Variants in PPP1R2 observed in about 807,000 individuals in gnomAD.
PPP1R2 encodes the protein protein phosphatase inhibitor 2.
In PPP1R2, 16 loss-of-function variants were observed where a neutral mutation model predicts 29.9. That is an observed-to-expected ratio of 0.53 (90% CI 0.36 to 0.81). The LOEUF is 0.81. Among genes scored for constraint, PPP1R2 ranks in the 30% least tolerant of loss-of-function variants. PPP1R2 has a pLI of 0.00. For missense variants in PPP1R2, 197 were observed against 252.7 expected (o/e 0.78, Z 1.49); for synonymous variants, 76 against 91.5 (o/e 0.83, Z 0.96).
chr3:195,530,143 A>G (rs1207068359), intron 1 of PPP1R2, among the ~76,000 whole-genome samples: 3 of 152,362 alleles, frequency 2.0e-5, no homozygotes, highest in East Asian at 3.9e-4. Context: ...TTTAGTATCT[A>G]TATCAGGCAT....
intron 5 of PPP1R2, among the ~76,000 whole-genome samples, chr3:195,518,714 T>C (rs985085602): frequency 2.6e-5 from 4 of 151,814 alleles, no homozygotes; most frequent in African/African-American, 9.7e-5. Context: ...AAATACAACA[T>C]GACCTAAAAT....
chr3:195,529,749 A>C, intron 2 of PPP1R2, 45 bp downstream of exon 2: 1 of 1,368,640 alleles, frequency 7.3e-7, no homozygotes, highest in East Asian at 2.4e-5. Context: ...ATGAAATGCA[A>C]AATGGAAGTA....
At chr3:195,537,564 T>G (rs574984996) in intron 1 of PPP1R2, among the ~76,000 whole-genome samples, 2 of 150,118 alleles carry the variant, frequency 1.3e-5, no homozygotes, top group East Asian at 3.9e-4. Flanking sequence ...AACTGTTGTT[T>G]CTTTGCCTAA....
chr3:195,536,527 C>G (rs976814694), intron 1 of PPP1R2, among the ~76,000 whole-genome samples: 1 of 151,814 alleles, frequency 6.6e-6, no homozygotes. Context: ...GTGATGTTAA[C>G]AATATTGAAT....
chr3:195,531,843 A>G (rs1719190204), intron 1 of PPP1R2, among the ~76,000 whole-genome samples: 1 of 152,180 alleles, frequency 6.6e-6, no homozygotes, highest in African/African-American at 2.4e-5. Flanking sequence ...AACTGTACTC[A>G]TTAAGTACTA....
intron 1 of PPP1R2, among the ~76,000 whole-genome samples, chr3:195,537,090 T>C (rs1328622154): frequency 6.6e-6 from 1 of 151,946 alleles, no homozygotes; most frequent in Non-Finnish European, 1.5e-5. Flanking sequence ...CATATAAATA[T>C]GTATAAGCTA....
intron 1 of PPP1R2, among the ~76,000 whole-genome samples, chr3:195,532,741 T>C (rs1719235247): frequency 6.6e-6 from 1 of 152,154 alleles, no homozygotes; most frequent in Non-Finnish European, 1.5e-5. Flanking sequence ...TTTTGGAGGC[T>C]TGTGACAATT....
rs774476092 is a variant in PPP1R2, at chr3:195,524,859, C to T, written c.268G>A (p.Glu90Lys). ...GDDEDACSDTEATEAMAPDIL... is the reference protein window; with the variant it reads ...GDDEDACSDTKATEAMAPDIL... ...TCTGGCGCCATGGCTTCAGTGGCCT[C>T]GGTGTCACTACAGGCATCTTCATCA... The change falls in exon 3 of 6, where the codon GAG becomes AAG. Residue 90 changes from glutamate (E) to lysine (K), a missense_variant. By Grantham distance (56) the Glu-to-Lys change is moderately conservative (BLOSUM62 1). Transcript: ENST00000618156. The T allele has an allele frequency of 1.9e-6, 3 of 1,614,064 alleles. No homozygotes were observed. Among genetic ancestry groups the T allele is most frequent in the South Asian group, 1.1e-5 (1 of 91,072 alleles).
intron 1 of PPP1R2, 101 bp from the exon 2 acceptor site, chr3:195,530,002 G>C: frequency 1.3e-6 from 1 of 789,408 alleles, no homozygotes; most frequent in South Asian, 1.7e-5. Context: ...ACTTCTATTT[G>C]ATGGCCAACC....
At chr3:195,538,570 C>A (rs746594539) in intron 1 of PPP1R2, among the ~76,000 whole-genome samples, 14 of 151,996 alleles carry the variant, frequency 9.2e-5, no homozygotes, top group Non-Finnish European at 1.6e-4. Context: ...ATTCCACATC[C>A]CTTTATAGGC....
At chr3:195,538,638 G>A (rs1383301388) in intron 1 of PPP1R2, among the ~76,000 whole-genome samples, 1 of 151,908 alleles carries the variant, frequency 6.6e-6, no homozygotes, top group Non-Finnish European at 1.5e-5. Context: ...GGAAATTAAG[G>A]CATAATTTTT....
intron 1 of PPP1R2, among the ~76,000 whole-genome samples, chr3:195,537,481 T>TTTTGTGTGTGTGTGTGTGTGTGTG (rs150119072): frequency 0.031 from 3,960 of 128,436 alleles, 170 homozygotes; most frequent in African/African-American, 0.045. Context: ...GGATTAGCTA[T>TTTTGTGTGTGTGTGTGTGTGTGTG]TGTGTGTGTG....
intron 2 of PPP1R2, chr3:195,528,577 G>A (rs2108945932): frequency 6.6e-6 from 1 of 151,868 alleles, no homozygotes; most frequent in African/African-American, 2.4e-5. Flanking sequence ...CAGAACAAAT[G>A]GAAACAGCAG....
At position 195,516,768 on chromosome 3, in the gene PPP1R2, C is replaced by A. The variant is rs866888800; in HGVS notation, c.*128G>T. On this transcript the variant is annotated 3_prime_UTR_variant, in exon 6 of 6. Coordinates refer to ENST00000618156, the MANE Select transcript of PPP1R2 (RefSeq NM_006241.8). ...CAGTCTCTAAGTTTATCATTTAATT[C>A]TTGGCAATATATAATAACTGGTATG... is the stretch of plus-strand genomic sequence containing the variant. 1 of 729,680 alleles carries A rather than the reference C, an allele frequency of 1.4e-6. No individual in the cohort carries two copies. Among genetic ancestry groups the A allele is most frequent in the African/African-American group, 1.8e-5 (1 of 56,400 alleles). 45.2% of individuals were successfully genotyped at this position (729,680 alleles called of 1,614,324 possible).
At chr3:195,527,176 C>T (rs557382661) in intron 2 of PPP1R2, among the ~76,000 whole-genome samples, 6 of 151,588 alleles carry the variant, frequency 4.0e-5, no homozygotes, top group South Asian at 4.2e-4. Flanking sequence ...TGGGGAAGGG[C>T]GTGGTGGCTC....
intron 1 of PPP1R2, among the ~76,000 whole-genome samples, chr3:195,534,632 C>T (rs1719305866): frequency 6.6e-6 from 1 of 152,114 alleles, no homozygotes; most frequent in African/African-American, 2.4e-5. Flanking sequence ...ACAACGAGAA[C>T]CCTCCTGGTT....
intron 2 of PPP1R2, chr3:195,527,878 T>C (rs1467185609): frequency 7.9e-6 from 3 of 379,096 alleles, no homozygotes; most frequent in South Asian, 2.0e-5. Flanking sequence ...TCTTTTTTTT[T>C]TTTTAAGATT....
At chr3:195,520,727 C>T (rs1331667124) in intron 4 of PPP1R2, among the ~76,000 whole-genome samples, 1 of 152,030 alleles carries the variant, frequency 6.6e-6, no homozygotes, top group Non-Finnish European at 1.5e-5. Flanking sequence ...CACTGTTGCC[C>T]AGGCTGGCTT....
chr3:195,532,673 T>C (rs557904899), intron 1 of PPP1R2, among the ~76,000 whole-genome samples: 143 of 152,312 alleles, frequency 9.4e-4, no homozygotes, highest in African/African-American at 3.3e-3. Flanking sequence ...ATTATGAGTT[T>C]GAACTGTGTG....
Sources: gnomAD v4.1 joint callset for allele counts (sites outside exome capture counted in the v4.1 genomes callset) on GRCh38, gnomAD v4.1.1 for gene constraint, MANE v1.5 for transcripts, NCBI Gene and HGNC (gene_info 2026-07-23, HGNC 2026-07-21) for gene names.